ZNF516: variants seen among roughly 807,000 people sequenced by gnomAD.
ZNF516 encodes the protein zinc finger protein 516.
ZNF516 carries 19 observed loss-of-function variants against 79.7 expected under a neutral mutation model. That is an observed-to-expected ratio of 0.24 (90% CI 0.17 to 0.35). ZNF516 has a LOEUF of 0.35. Ranked by LOEUF, ZNF516 falls within the 10% of genes least tolerant of loss-of-function variation. The pLI is 1.00. For synonymous variants in ZNF516, 877 were observed against 739.5 expected (o/e 1.19, Z -3.02); for missense variants, 1,678 against 1,679.5 (o/e 1.00, Z 0.02).
intron 3 of ZNF516, among the ~76,000 whole-genome samples, chr18:76,429,784 C>T (rs1490849086): frequency 1.3e-5 from 2 of 152,136 alleles, no homozygotes; most frequent in Non-Finnish European, 2.9e-5. Flanking sequence ...GAAAATGATG[C>T]GCCGAGCAGT....
chr18:76,395,927 C>G (rs1274685209), intron 3 of ZNF516, among the ~76,000 whole-genome samples: 1 of 152,204 alleles, frequency 6.6e-6, no homozygotes, highest in Non-Finnish European at 1.5e-5. Flanking sequence ...TCCGGAAGTG[C>G]GCAAAGCTGC....
chr18:76,492,973 C>A, intron 1 of ZNF516: 1 of 985,546 alleles, frequency 1.0e-6, no homozygotes, highest in Non-Finnish European at 1.2e-6. Context: ...GGCTCATGCA[C>A]GCGCACGCGC....
intron 1 of ZNF516, among the ~76,000 whole-genome samples, chr18:76,475,155 G>A (rs1308629179): frequency 1.3e-5 from 2 of 152,162 alleles, no homozygotes; most frequent in East Asian, 1.9e-4. Flanking sequence ...ATCAGCAAAA[G>A]ACTATTATCC....
chr18:76,362,631 T>A, intron 6 of ZNF516, 74 bp from the exon 7 acceptor site: 1 of 1,422,720 alleles, frequency 7.0e-7, no homozygotes, highest in Non-Finnish European at 9.7e-7. Flanking sequence ...TTTTTCCTAT[T>A]AATTTTCTAA....
Position 76,459,178 on chromosome 18 carries a change from G to A in ZNF516, c.-158+3850C>T, listed in dbSNP as rs371082307. Among the ~76,000 whole-genome samples, 1 of 152,212 alleles carries A rather than the reference G, an allele frequency of 6.6e-6. No individual in the cohort carries two copies. Among genetic ancestry groups the A allele is most frequent in the Non-Finnish European group, 1.5e-5 (1 of 68,034 alleles). On this transcript the variant is annotated intron_variant, in intron 2 of 6. Coordinates refer to ENST00000443185, the MANE Select transcript of ZNF516 (RefSeq NM_014643.4). This position sits in a 1 kb window ranked among gnomAD's most constrained non-coding sequence, Gnocchi z 5.0. The stretch of plus-strand genomic sequence containing the variant: ...AGAGCCAGACGCTGCAGCAGTAACG[G>A]GGCGCCGGGCCCACCTGCTGCCCCT...
At chr18:76,389,200 G>A (rs149444407) in intron 3 of ZNF516, 99 of 151,810 alleles carry the variant, frequency 6.5e-4, no homozygotes, top group African/African-American at 2.3e-3. Context: ...TCAAGGTCAC[G>A]AGCCACAGCT....
At chr18:76,397,485 T>A (rs2075163118) in intron 3 of ZNF516, among the ~76,000 whole-genome samples, 1 of 113,166 alleles carries the variant, frequency 8.8e-6, no homozygotes, top group Admixed American at 9.1e-5. Context: ...CTACTTTTTC[T>A]GGATGACTGA....
chr18:76,399,889 T>C (rs1159589823), intron 3 of ZNF516, among the ~76,000 whole-genome samples: 1 of 152,126 alleles, frequency 6.6e-6, no homozygotes, highest in African/African-American at 2.4e-5. Context: ...CACTTAAGAT[T>C]GTGAGTGACA....
chr18:76,429,063 C>G (rs186002813), intron 3 of ZNF516, among the ~76,000 whole-genome samples: 2 of 152,190 alleles, frequency 1.3e-5, no homozygotes, highest in Admixed American at 6.5e-5. Context: ...TTGCCTCCCC[C>G]TCTCCCTCCC....
chr18:76,491,124 G>C (rs1352100287), intron 1 of ZNF516: 19 of 980,664 alleles, frequency 1.9e-5, no homozygotes, highest in Non-Finnish European at 1.8e-5. Context: ...ACCTCCGCCA[G>C]AACAAAGTGA....
rs766034000 is a variant in ZNF516, at chr18:76,379,675, G to A, written c.2439C>T (p.Ser813=). The change falls in exon 4 of 7, where the codon AGC becomes AGT. Residue 813 remains serine, a synonymous_variant. Transcript: ENST00000443185. ...IRSNLVFLSR[S]GRTGPPPALG... is the part of the protein sequence containing the mutation. ...GGGCAGGCGGGGGGCCCGTGCGTCCGCTCCGGGAAAGGAAAACCAAATTGC... is the reference window on the plus strand; with the variant it reads ...GGGCAGGCGGGGGGCCCGTGCGTCCACTCCGGGAAAGGAAAACCAAATTGC... The A allele has an allele frequency of 2.9e-5, 47 of 1,613,486 alleles. No individual in the cohort carries two copies. Among genetic ancestry groups the A allele is most frequent in the Admixed American group, 1.3e-4 (8 of 60,006 alleles).
intron 3 of ZNF516, among the ~76,000 whole-genome samples, chr18:76,423,473 G>C (rs2075536478): frequency 6.6e-6 from 1 of 150,858 alleles, no homozygotes; most frequent in African/African-American, 2.4e-5. Flanking sequence ...CAGGCGAAAA[G>C]GTTCCCCCCT....
intron 6 of ZNF516, among the ~76,000 whole-genome samples, chr18:76,369,944 C>T (rs772214410): frequency 3.9e-4 from 60 of 152,140 alleles, no homozygotes; most frequent in Non-Finnish European, 6.5e-4. Flanking sequence ...GACTCAGAAC[C>T]GTGTGCTAGT....
chr18:76,436,303 C>A (rs949886758), intron 3 of ZNF516, among the ~76,000 whole-genome samples: 4 of 152,222 alleles, frequency 2.6e-5, no homozygotes, highest in African/African-American at 9.7e-5. Flanking sequence ...GCCGTGTGTG[C>A]TTTCCTTCCC....
chr18:76,371,812 T>TCCCC (rs1001233563), intron 4 of ZNF516, among the ~76,000 whole-genome samples: 4 of 152,042 alleles, frequency 2.6e-5, no homozygotes, highest in Non-Finnish European at 5.9e-5. Context: ...AACCACTCCC[T>TCCCC]GGGACAGGAG....
chr18:76,495,812 G>C, upstream of ZNF516: 1 of 1,018,478 alleles, frequency 9.8e-7, no homozygotes, highest in South Asian at 1.9e-5. Flanking sequence ...ACACGGCGTA[G>C]CGTGTGCGTG....
chr18:76,488,728 A>G (rs925152018), intron 1 of ZNF516, among the ~76,000 whole-genome samples: 2 of 152,236 alleles, frequency 1.3e-5, no homozygotes, highest in Non-Finnish European at 2.9e-5. Context: ...TTCTTCCATT[A>G]CAGTTCTATT....
In ZNF516 at chr18:76,442,242, C is replaced by T; in HGVS notation, c.813G>A (p.Arg271=). 2.5e-6 allele frequency: 4 copies of T among 1,613,712 alleles called. No individual in the cohort carries two copies. The highest frequency in any genetic ancestry group is 3.4e-6 in the Non-Finnish European group (4 of 1,179,870). Residue 271 remains arginine, a synonymous_variant, in exon 3 of 7, where the codon CGG becomes CGA. Coordinates refer to ENST00000443185, the MANE Select transcript of ZNF516 (RefSeq NM_014643.4). ...WFLKAHMKKH[R]GSFDHGCHIC... is the part of the protein sequence containing the mutation. ...TGTGGCAGCCGTGGTCGAAGGAGCC[C>T]CGGTGCTTCTTCATGTGCGCCTTCA...
At chr18:76,416,564 T>C (rs533865754) in intron 3 of ZNF516, among the ~76,000 whole-genome samples, 3 of 152,378 alleles carry the variant, frequency 2.0e-5, no homozygotes, top group Non-Finnish European at 2.9e-5. Context: ...AAATTGTGAT[T>C]TGGATTTTCT....
Sources: allele counts gnomAD v4.1 joint callset (sites outside exome capture counted in the v4.1 genomes callset), GRCh38; gene constraint gnomAD v4.1.1; non-coding constraint Gnocchi (gnomAD v3.1); transcripts MANE v1.5; gene names NCBI Gene and HGNC (gene_info 2026-07-23, HGNC 2026-07-21).